The following FOXO1 variants were observed in gnomAD, a reference collection of about 807,000 sequenced individuals.
The protein encoded by FOXO1 is forkhead box O1, also known as forkhead box protein O1.
FOXO1 carries 6 observed loss-of-function variants against 44.1 expected under a neutral mutation model. The ratio of observed to expected loss-of-function variants is 0.14; its 90% confidence interval spans 0.07 to 0.27. FOXO1 has a LOEUF of 0.27. FOXO1 is among the 10% of genes least tolerant of loss of function. FOXO1 has a pLI of 1.00. For synonymous variants in FOXO1, 380 were observed against 362.7 expected (o/e 1.05, Z -0.54); for missense variants, 737 against 888.8 (o/e 0.83, Z 2.17).
At chr13:40,561,351 CAAAAAA>C (rs5803055) in intron 1 of FOXO1, among the ~76,000 whole-genome samples, 6,202 of 119,566 alleles carry the variant, frequency 0.052, 529 homozygotes, top group East Asian at 0.41. Context: ...GACTCGATCT[CAAAAAA>C]AAAAAAAAAA....
At chr13:40,617,843 A>G (rs1876479611) in intron 1 of FOXO1, among the ~76,000 whole-genome samples, 1 of 152,226 alleles carries the variant, frequency 6.6e-6, no homozygotes, top group South Asian at 2.1e-4. Context: ...CATTGTTTGT[A>G]ATACAACAAA....
intron 1 of FOXO1, among the ~76,000 whole-genome samples, chr13:40,655,348 C>CA (rs1170592440): frequency 0.015 from 1,438 of 94,400 alleles, 18 homozygotes; most frequent in African/African-American, 0.022. Context: ...GACCCCATCT[C>CA]AAAAAAAAAA....
chr13:40,666,222 C>A lies in FOXO1; in HGVS notation c.-10G>T. ...GAGGCGCCTCGGCCATGGTGACCCC[C>A]GCCCCTCCCCCAGCCGCAGGAGAGC... On this transcript the variant is annotated 5_prime_UTR_variant, in exon 1 of 3. Transcript: ENST00000379561. 7.1e-7 allele frequency: 1 copy of A among 1,401,092 alleles called. No individual in the cohort carries two copies. Among genetic ancestry groups the A allele is most frequent in the South Asian group, 1.5e-5 (1 of 67,644 alleles). 86.8% of individuals were successfully genotyped at this position (1,401,092 alleles called of 1,614,324 possible). A position where few individuals can be genotyped will look rare whatever the true frequency, so the allele number is the denominator to read the frequency against.
At chr13:40,664,040 C>G (rs145183916) in intron 1 of FOXO1, among the ~76,000 whole-genome samples, 1 of 152,126 alleles carries the variant, frequency 6.6e-6, no homozygotes, top group African/African-American at 2.4e-5. Flanking sequence ...TTTGGGAGGC[C>G]GAGGCGGGCC....
chr13:40,624,646 A>G (rs910077322), intron 1 of FOXO1, among the ~76,000 whole-genome samples: 1 of 152,192 alleles, frequency 6.6e-6, no homozygotes, highest in East Asian at 1.9e-4. Context: ...GACACTGCAT[A>G]GGAATTTAAT....
Position 40,560,033 on chromosome 13 carries a change from C to T in FOXO1, c.1458G>A (p.Gln486=). ...IMTPVDPGVA[Q]PNSRVLGQNV... is the part of the protein sequence containing the mutation. Reference sequence around the variant, plus strand: ...TCTGGCCCAGAACCCGGCTGTTGGGCTGGGCTACCCCAGGATCAACTGGTG... The same window carrying T: ...TCTGGCCCAGAACCCGGCTGTTGGGTTGGGCTACCCCAGGATCAACTGGTG... Residue 486 remains glutamine (Q), a synonymous_variant, in exon 2 of 3, where the codon CAG becomes CAA. Coordinates refer to ENST00000379561, the MANE Select transcript of FOXO1 (RefSeq NM_002015.4). This position sits in a 1 kb window ranked among gnomAD's most constrained non-coding sequence, Gnocchi z 5.1. 1 of 1,614,126 alleles carries T rather than the reference C, an allele frequency of 6.2e-7. No individual in the cohort carries two copies. Among genetic ancestry groups the T allele is most frequent in the Non-Finnish European group, 8.5e-7 (1 of 1,180,036 alleles).
chr13:40,625,923 C>T (rs1448838086), intron 1 of FOXO1, among the ~76,000 whole-genome samples: 1 of 152,116 alleles, frequency 6.6e-6, no homozygotes, highest in Admixed American at 6.5e-5. Flanking sequence ...AATTATGAAC[C>T]AGGTCCCTGA....
intron 1 of FOXO1, chr13:40,618,827 A>G (rs1374574908): frequency 1.9e-6 from 1 of 526,884 alleles, no homozygotes; most frequent in Non-Finnish European, 3.8e-6. Flanking sequence ...AGAAGATGGC[A>G]GCAAGAGCAT....
At chr13:40,602,361 A>G (rs1285674211) in intron 1 of FOXO1, among the ~76,000 whole-genome samples, 1 of 152,218 alleles carries the variant, frequency 6.6e-6, no homozygotes, top group African/African-American at 2.4e-5. Context: ...TGAGATAACT[A>G]AAAGCTTTCA....
At chr13:40,606,732 C>T (rs1876014679) in intron 1 of FOXO1, among the ~76,000 whole-genome samples, 2 of 152,154 alleles carry the variant, frequency 1.3e-5, no homozygotes, top group Non-Finnish European at 2.9e-5. Context: ...ATACTAGACA[C>T]TACTTGCCAG....
At chr13:40,584,870 T>C (rs1478031851) in intron 1 of FOXO1, among the ~76,000 whole-genome samples, 1 of 152,204 alleles carries the variant, frequency 6.6e-6, no homozygotes, top group Non-Finnish European at 1.5e-5. Context: ...AGCTTGGCAA[T>C]CTATTAAAGC....
At position 40,602,113 on chromosome 13, in the gene FOXO1, A is replaced by C. The variant is rs1875833861; in HGVS notation, c.631-41253T>G. On this transcript the variant is annotated intron_variant, in intron 1 of 2. Transcript: ENST00000379561. The stretch of plus-strand genomic sequence containing the variant: ...ATTTATTAATATTTTGAGTTCCATC[A>C]CAGTAGTTTTTTACTAACTACAAAT... 2.0e-5 allele frequency among the ~76,000 whole-genome samples: 3 copies of C among 152,190 alleles called. No homozygotes were observed. The South Asian group carries it at 6.2e-4, about 31-fold the overall frequency.
rs1401947247 is a variant in FOXO1 at position 40,666,106 on chromosome 13, T to C, written c.107A>G (p.Asn36Ser). 1.4e-6 allele frequency: 2 copies of C among 1,408,820 alleles called. No homozygotes were observed. The highest frequency in any genetic ancestry group is 1.5e-5 in the African/African-American group (1 of 66,708). 87.3% of individuals were successfully genotyped at this position (1,408,820 alleles called of 1,614,324 possible). A position where few individuals can be genotyped will look rare whatever the true frequency, so the allele number is the denominator to read the frequency against. ...CGGCGCCGGGCTGGAGGTGGCCGAGTTGGACTGGCTAAACTCCGGCCTGGG... is the reference window on the plus strand; with the variant it reads ...CGGCGCCGGGCTGGAGGTGGCCGAGCTGGACTGGCTAAACTCCGGCCTGGG... ...PLPRPEFSQS[N>S]SATSSPAPSG... The change falls in exon 1 of 3, where the codon AAC (asparagine) becomes AGC (serine). Residue 36 changes from asparagine to serine, a missense_variant. Transcript: ENST00000379561.
intron 1 of FOXO1, among the ~76,000 whole-genome samples, chr13:40,618,247 T>C (rs930347166): frequency 6.6e-6 from 1 of 152,108 alleles, no homozygotes; most frequent in Non-Finnish European, 1.5e-5. Flanking sequence ...CTGCTAATTT[T>C]TGTAGAGAAG....
At chr13:40,585,564 C>A (rs899526491) in intron 1 of FOXO1, among the ~76,000 whole-genome samples, 2 of 152,184 alleles carry the variant, frequency 1.3e-5, no homozygotes, top group Non-Finnish European at 2.9e-5. Context: ...CCTAAAATTC[C>A]TTTACAGTTC....
chr13:40,578,163 G>C (rs1874831355), intron 1 of FOXO1, among the ~76,000 whole-genome samples: 1 of 152,092 alleles, frequency 6.6e-6, no homozygotes, highest in Non-Finnish European at 1.5e-5. Context: ...GATGCAGATG[G>C]CCTCACTCAG....
At chr13:40,611,126 G>A (rs1339158014) in intron 1 of FOXO1, 3 of 436,848 alleles carry the variant, frequency 6.9e-6, no homozygotes, top group South Asian at 1.6e-5. Context: ...AAAACTCATC[G>A]TGACTGAGGA....
Position 40,560,926 on chromosome 13 carries a change from T to A in FOXO1, c.631-66A>T. On this transcript the variant is annotated intron_variant, in intron 1 of 2. Coordinates refer to ENST00000379561, the MANE Select transcript of FOXO1 (RefSeq NM_002015.4). This position sits in a 1 kb window ranked among gnomAD's most constrained non-coding sequence, Gnocchi z 5.1. ...TGCTTGCAAAACTTCCTATTCTACATGTATTACATGGAAAACAAGTAAAAA... is the reference window on the plus strand; with the variant it reads ...TGCTTGCAAAACTTCCTATTCTACAAGTATTACATGGAAAACAAGTAAAAA... 6.9e-7 allele frequency: 1 copy of A among 1,459,274 alleles called. No individual in the cohort carries two copies. Among genetic ancestry groups the A allele is most frequent in the Non-Finnish European group, 9.2e-7 (1 of 1,087,178 alleles). The allele number at this position is 1,459,274 out of a possible 1,614,324, so 90.4% of individuals were successfully genotyped here.
At chr13:40,614,357 C>T (rs1593400648) in intron 1 of FOXO1, among the ~76,000 whole-genome samples, 1 of 152,170 alleles carries the variant, frequency 6.6e-6, no homozygotes, top group African/African-American at 2.4e-5. Context: ...GGAATAGGAC[C>T]TCTTTTCAAA....
Sources: allele counts gnomAD v4.1 joint callset (sites outside exome capture counted in the v4.1 genomes callset), GRCh38; gene constraint gnomAD v4.1.1; non-coding constraint Gnocchi (gnomAD v3.1); transcripts MANE v1.5; gene names NCBI Gene and HGNC (gene_info 2026-07-23, HGNC 2026-07-21).